Variants in SNX25 observed in about 807,000 individuals in gnomAD.
SNX25 encodes the protein sorting nexin-25.
In SNX25, 62 loss-of-function variants were observed where a neutral mutation model predicts 113.7. The observed-to-expected ratio is 0.55, with a 90% confidence interval of 0.44 to 0.67. SNX25 has a LOEUF of 0.67. Ranked by LOEUF, SNX25 falls within the 30% of genes least tolerant of loss-of-function variation. SNX25 has a pLI of 0.00. For synonymous variants in SNX25, 421 were observed against 436.2 expected, an observed-to-expected ratio of 0.97 and a Z score of 0.43; for missense variants, 1,014 against 1,161.0, an observed-to-expected ratio of 0.87 and a Z score of 1.84.
At chr4:185,250,267 C>T (rs73873415) in intron 2 of SNX25, among the ~76,000 whole-genome samples, 4,317 of 152,262 alleles carry the variant, frequency 0.028, 94 homozygotes, top group Middle Eastern at 0.068. Context: ...AGCCCAACAC[C>T]GTTAGTGGAA....
chr4:185,220,772 G>A (rs1030591104), intron 1 of SNX25, among the ~76,000 whole-genome samples: 13 of 152,052 alleles, frequency 8.5e-5, no homozygotes, highest in African/African-American at 2.7e-4. Context: ...GAGCCACTGC[G>A]CCCGGCCTAA....
chr4:185,250,772 G>A (rs1745515447), intron 2 of SNX25, among the ~76,000 whole-genome samples: 1 of 150,730 alleles, frequency 6.6e-6, no homozygotes, highest in Admixed American at 6.6e-5. Flanking sequence ...TTATTAGGAT[G>A]CAACTCCATC....
chr4:185,340,759 G>A (rs531610370), intron 11 of SNX25, among the ~76,000 whole-genome samples: 3 of 152,302 alleles, frequency 2.0e-5, no homozygotes, highest in African/African-American at 7.2e-5. Context: ...GAAGGAAGGA[G>A]TGGAAACCAT....
chr4:185,224,688 A>T (rs559547026), intron 1 of SNX25, among the ~76,000 whole-genome samples: 1 of 149,230 alleles, frequency 6.7e-6, no homozygotes, highest in East Asian at 1.9e-4. Context: ...AATAATTATG[A>T]ATTCATGGGT....
Position 185,209,794 on chromosome 4 carries a change from G to A in SNX25, c.-33G>A. ...GCCGGCGGGGGACCGGGGGGCAGGAGATGTGCCTGTCCTTAGCGGCCCAGG... is the reference window on the plus strand; with the variant it reads ...GCCGGCGGGGGACCGGGGGGCAGGAAATGTGCCTGTCCTTAGCGGCCCAGG... On this transcript the variant is annotated 5_prime_UTR_variant, in exon 1 of 19. Coordinates refer to ENST00000652585, the MANE Select transcript of SNX25 (RefSeq NM_001378034.2). This position sits in a 1 kb window ranked among gnomAD's most constrained non-coding sequence, Gnocchi z 5.2. The A allele has an allele frequency of 1.0e-6, 1 of 983,786 alleles. No homozygotes were observed. Among genetic ancestry groups the A allele is most frequent in the Non-Finnish European group, 1.2e-6 (1 of 829,336 alleles). The allele number at this position is 983,786 out of a possible 1,614,324, so 60.9% of individuals were successfully genotyped here. A position where few individuals can be genotyped will look rare whatever the true frequency, so the allele number is the denominator to read the frequency against.
Position 185,240,021 on chromosome 4 carries a change from A to G in SNX25, c.430-7273A>G, listed in dbSNP as rs376733872. Among the ~76,000 whole-genome samples the G allele has an allele frequency of 9.1e-3, 1,350 of 148,276 alleles. 23 individuals carry two copies. The highest frequency in any genetic ancestry group is 0.03 in the Middle Eastern group (8 of 266). On this transcript the variant is annotated intron_variant, in intron 1 of 18. Coordinates refer to ENST00000652585, the MANE Select transcript of SNX25 (RefSeq NM_001378034.2). ...TGTTTAACAAAGCACATCTTGCACC[A>G]CCCTTAATCCATTCAACCCTGAGTG...
chr4:185,318,423 T>TAGGTTCTTTTTCTTTTCCTGTG (rs2095092526), intron 7 of SNX25, among the ~76,000 whole-genome samples: 1 of 152,212 alleles, frequency 6.6e-6, no homozygotes, highest in Non-Finnish European at 1.5e-5. Flanking sequence ...TGTCTTCAGA[T>TAGGTTCTTTTTCTTTTCCTGTG]AGGTTCTTTT....
At chr4:185,215,098 G>A (rs1364087325) in intron 1 of SNX25, among the ~76,000 whole-genome samples, 11 of 152,050 alleles carry the variant, frequency 7.2e-5, no homozygotes, top group African/African-American at 1.9e-4. Flanking sequence ...GGCGTGGTGC[G>A]GGCGCCTGTA....
chr4:185,342,438 G>A (rs896992027), intron 12 of SNX25, among the ~76,000 whole-genome samples: 13 of 152,254 alleles, frequency 8.5e-5, no homozygotes, highest in African/African-American at 3.1e-4. Context: ...GTTGTGAGTT[G>A]CAGCAGTAGA....
chr4:185,286,323 C>T (rs1166784860), intron 5 of SNX25, among the ~76,000 whole-genome samples: 1 of 152,046 alleles, frequency 6.6e-6, no homozygotes, highest in Non-Finnish European at 1.5e-5. Context: ...ACTATACTGC[C>T]TAGGCTCTTG....
chr4:185,292,830 G>A, intron 6 of SNX25, among the ~76,000 whole-genome samples: 1 of 152,178 alleles, frequency 6.6e-6, no homozygotes, highest in East Asian at 1.9e-4. Context: ...TGGGAGGATT[G>A]CTTGAGCCCA....
At position 185,363,815 on chromosome 4, in the gene SNX25, G is replaced by A. The variant is rs567024011; in HGVS notation, c.*350G>A. ...TTGTACAGTTAATTTCCTCACTGAG[G>A]ACTGTGAACATTCTTATATTATTTC... On this transcript the variant is annotated 3_prime_UTR_variant, in exon 19 of 19. Coordinates refer to ENST00000652585, the MANE Select transcript of SNX25 (RefSeq NM_001378034.2). This position sits in a 1 kb window ranked among gnomAD's most constrained non-coding sequence, Gnocchi z 4.2. 1.5e-3 allele frequency: 261 copies of A among 169,888 alleles called. 1 individual carries two copies. Among genetic ancestry groups the A allele is most frequent in the African/African-American group, 6.0e-3 (254 of 42,112 alleles). 10.5% of individuals were successfully genotyped at this position (169,888 alleles called of 1,614,324 possible).
At chr4:185,318,936 A>G (rs938015968) in intron 7 of SNX25, among the ~76,000 whole-genome samples, 5 of 152,162 alleles carry the variant, frequency 3.3e-5, no homozygotes, top group African/African-American at 1.2e-4. Context: ...CAATATCTCC[A>G]CAGGTAGCTA....
intron 1 of SNX25, among the ~76,000 whole-genome samples, chr4:185,217,562 A>T (rs1739072926): frequency 1.3e-5 from 2 of 152,014 alleles, no homozygotes; most frequent in African/African-American, 4.8e-5. Flanking sequence ...TTCCCAGGGG[A>T]TTTATTTCTC....
In SNX25 at chr4:185,334,115, G is replaced by A. The variant is rs1454028355; in HGVS notation, c.1914+1356G>A. ...GCACTTTAGGAGGCCGAGGCGGGTG[G>A]ATCACTTGAGGTCAGGAGCTCGAGG... On this transcript the variant is annotated intron_variant, in intron 10 of 18. Coordinates refer to ENST00000652585, the MANE Select transcript of SNX25 (RefSeq NM_001378034.2). This position sits in a 1 kb window ranked among gnomAD's most constrained non-coding sequence, Gnocchi z 4.2. Among the ~76,000 whole-genome samples, 1 of 151,750 alleles carries A rather than the reference G, an allele frequency of 6.6e-6. No homozygotes were observed. The highest frequency in any genetic ancestry group is 1.5e-5 in the Non-Finnish European group (1 of 67,992).
chr4:185,276,794 C>T (rs1472998980), intron 5 of SNX25, among the ~76,000 whole-genome samples: 2 of 152,186 alleles, frequency 1.3e-5, no homozygotes, highest in African/African-American at 4.8e-5. Flanking sequence ...CCTGGCAGGT[C>T]CAGGATCCAC....
downstream of SNX25, chr4:185,372,911 C>T (rs147766634): frequency 8.9e-5 from 144 of 1,613,312 alleles, no homozygotes; most frequent in Non-Finnish European, 1.1e-4. Flanking sequence ...TAATACTCCA[C>T]GAGATTCCCT....
At chr4:185,318,391 C>G (rs1411583751) in intron 7 of SNX25, among the ~76,000 whole-genome samples, 1 of 152,200 alleles carries the variant, frequency 6.6e-6, no homozygotes, top group Non-Finnish European at 1.5e-5. Context: ...TTACAGCAGT[C>G]CATACTCGAT....
intron 1 of SNX25, among the ~76,000 whole-genome samples, chr4:185,242,965 T>C (rs192172706): frequency 3.3e-5 from 5 of 152,288 alleles, no homozygotes; most frequent in Admixed American, 1.3e-4. Flanking sequence ...CCTGTTCTCC[T>C]GGCTTACAGA....
Sources: allele counts gnomAD v4.1 joint callset (sites outside exome capture counted in the v4.1 genomes callset), GRCh38; gene constraint gnomAD v4.1.1; non-coding constraint Gnocchi (gnomAD v3.1); transcripts MANE v1.5; gene names NCBI Gene and HGNC (gene_info 2026-07-23, HGNC 2026-07-21).